Variants in CAMK4 observed in about 807,000 individuals in gnomAD.
CAMK4 encodes calcium/calmodulin dependent protein kinase IV, also known as calcium/calmodulin-dependent protein kinase type IV.
A neutral mutation model predicts 44.9 loss-of-function variants in CAMK4; 22 were observed. The ratio of observed to expected loss-of-function variants is 0.49; its 90% CI spans 0.35 to 0.70. The LOEUF (loss-of-function observed/expected upper bound fraction) is 0.70, where lower values mean the gene tolerates loss of function less well. Among genes scored for constraint, CAMK4 ranks in the 30% least tolerant of loss-of-function variants. The probability of loss-of-function intolerance (pLI) is 0.01; values close to 1 mark genes in which losing one functional copy is unlikely to be tolerated. For synonymous variants in CAMK4, 218 were observed against 215.4 expected, an observed-to-expected ratio of 1.01 and a Z score of -0.11; for missense variants, 498 against 586.8, an observed-to-expected ratio of 0.85 and a Z score of 1.56.
chr5:111,491,383 A>G lies in CAMK4; in HGVS notation c.*6917A>G, dbSNP rs956045041. 3.3e-5 allele frequency: 5 copies of G among 151,908 alleles called. No individual in the cohort carries two copies. The highest frequency in any genetic ancestry group is 1.2e-4 in the African/African-American group (5 of 41,390). The allele number at this position is 151,908 out of a possible 1,614,324, so 9.4% of individuals were successfully genotyped here. A position where few individuals can be genotyped will look rare whatever the true frequency, so the allele number is the denominator to read the frequency against. On this transcript the variant is annotated 3_prime_UTR_variant, in exon 11 of 11. Transcript: ENST00000282356. ...GACCCTGGGTTTTCATGGCACCCCA[A>G]TGCCTTTTTGGTGACTTGCAGGAAT...
At chr5:111,244,554 A>G (rs993919489) in intron 1 of CAMK4, among the ~76,000 whole-genome samples, 2 of 152,190 alleles carry the variant, frequency 1.3e-5, no homozygotes, top group East Asian at 1.9e-4. Context: ...TTAAAAGCTG[A>G]CCTATATTAA....
At chr5:111,465,146 T>C in intron 7 of CAMK4, among the ~76,000 whole-genome samples, 1 of 152,102 alleles carries the variant, frequency 6.6e-6, no homozygotes, top group East Asian at 1.9e-4. Flanking sequence ...CCTTTTCTTC[T>C]CTCTGGCCTA....
intron 4 of CAMK4, among the ~76,000 whole-genome samples, chr5:111,388,472 C>T (rs35150179): frequency 0.094 from 14,335 of 152,138 alleles, 914 homozygotes; most frequent in Non-Finnish European, 0.13. Flanking sequence ...CCATACCTAT[C>T]CCGACCCCCA....
rs573971525 is a variant in CAMK4 at position 111,420,504 on chromosome 5, C to T, written c.459+25722C>T. Reference sequence around the variant, plus strand: ...GAATAGGAGTGGTGAGAGAGGGCATCCCTGGGAGACAGGGTTTTGAGAGCA... The same window carrying T: ...GAATAGGAGTGGTGAGAGAGGGCATTCCTGGGAGACAGGGTTTTGAGAGCA... On this transcript the variant is annotated intron_variant, in intron 5 of 10. Transcript: ENST00000282356. Among the ~76,000 whole-genome samples the T allele has an allele frequency of 5.9e-5, 9 of 152,234 alleles. No homozygotes were observed. The East Asian group carries it at 1.2e-3, about 20-fold the overall frequency.
intron 5 of CAMK4, among the ~76,000 whole-genome samples, chr5:111,425,844 T>G (rs551775824): frequency 5.6e-4 from 86 of 152,270 alleles, no homozygotes; most frequent in African/African-American, 2.0e-3. Flanking sequence ...CCATATCACC[T>G]CAGGAATTTT....
At chr5:111,364,720 C>G (rs1311148436) in intron 2 of CAMK4, among the ~76,000 whole-genome samples, 1 of 151,878 alleles carries the variant, frequency 6.6e-6, no homozygotes, top group Non-Finnish European at 1.5e-5. Context: ...CTTCTTTTTT[C>G]TTTTTGTTCT....
At position 111,308,994 on chromosome 5, in the gene CAMK4, C is replaced by T. The variant is rs373682739; in HGVS notation, c.162-35030C>T. On this transcript the variant is annotated intron_variant, in intron 1 of 10. Transcript: ENST00000282356. ...TTGTACCATAAACATGTAGTAAATT[C>T]TTTCTAGTGTCCAGGAACTACAATC... Among the ~76,000 whole-genome samples, 6 of 152,240 alleles carry T rather than the reference C, an allele frequency of 3.9e-5. No individual in the cohort carries two copies. The East Asian group carries it at 9.6e-4, about 24-fold the overall frequency.
intron 2 of CAMK4, among the ~76,000 whole-genome samples, chr5:111,354,343 A>G (rs1750235017): frequency 6.6e-6 from 1 of 152,052 alleles, no homozygotes; most frequent in South Asian, 2.1e-4. Flanking sequence ...TGTAAAATGA[A>G]TAATTTCCAA....
upstream of CAMK4, chr5:111,224,270 G>A: frequency 1.9e-6 from 1 of 513,040 alleles, no homozygotes; most frequent in Non-Finnish European, 3.0e-6. This position sits in a 1 kb window ranked among gnomAD's most constrained non-coding sequence, Gnocchi z 5.7. Context: ...AGCGGGCGGC[G>A]ACTCCGGGTT....
At chr5:111,409,458 C>A (rs1283933150) in intron 5 of CAMK4, among the ~76,000 whole-genome samples, 2 of 152,226 alleles carry the variant, frequency 1.3e-5, no homozygotes, top group African/African-American at 4.8e-5. Context: ...TGGGTCAGGC[C>A]TATGAAACCA....
chr5:111,367,889 C>T (rs1346671017), intron 2 of CAMK4, among the ~76,000 whole-genome samples: 1 of 152,072 alleles, frequency 6.6e-6, no homozygotes, highest in Admixed American at 6.6e-5. Flanking sequence ...TTGGATGCAG[C>T]TGCCCATATG....
intron 2 of CAMK4, 40 bp from the exon 3 acceptor site, chr5:111,374,810 G>GGA: frequency 8.2e-7 from 1 of 1,221,718 alleles, no homozygotes; most frequent in South Asian, 1.2e-5. Flanking sequence ...AATGAAGGGG[G>GGA]GAGTTTCTTT....
intron 1 of CAMK4, among the ~76,000 whole-genome samples, chr5:111,315,160 G>A (rs936930176): frequency 3.9e-5 from 6 of 152,110 alleles, no homozygotes; most frequent in Non-Finnish European, 8.8e-5. Flanking sequence ...AGTTTTTAAA[G>A]AAGAAAAGTA....
intron 5 of CAMK4, among the ~76,000 whole-genome samples, chr5:111,405,587 A>C (rs1201157143): frequency 9.2e-5 from 14 of 152,222 alleles, no homozygotes; most frequent in Admixed American, 9.2e-4. Flanking sequence ...TAAAGGTACA[A>C]AGGCACAAAC....
intron 2 of CAMK4, among the ~76,000 whole-genome samples, chr5:111,359,064 A>G (rs1175902494): frequency 6.6e-6 from 1 of 152,142 alleles, no homozygotes; most frequent in Admixed American, 6.6e-5. Flanking sequence ...TTATAACAGA[A>G]TGATTTATAT....
chr5:111,254,905 T>C (rs1749674674), intron 1 of CAMK4, among the ~76,000 whole-genome samples: 1 of 152,128 alleles, frequency 6.6e-6, no homozygotes, highest in East Asian at 1.9e-4. Context: ...TTCTGTAGTC[T>C]GTGCAAATAC....
At chr5:111,396,921 G>A (rs554109171) in intron 5 of CAMK4, among the ~76,000 whole-genome samples, 11 of 152,162 alleles carry the variant, frequency 7.2e-5, no homozygotes, top group Admixed American at 1.3e-4. Context: ...AATTACAGGC[G>A]TGAGCCACCG....
chr5:111,320,733 T>G (rs1404502819), intron 1 of CAMK4, among the ~76,000 whole-genome samples: 2 of 152,164 alleles, frequency 1.3e-5, no homozygotes, highest in Non-Finnish European at 2.9e-5. Flanking sequence ...CTCGAACTCC[T>G]GACCTCAGGT....
chr5:111,258,004 C>T (rs433306), intron 1 of CAMK4, among the ~76,000 whole-genome samples: 9 of 151,770 alleles, frequency 5.9e-5, no homozygotes, highest in South Asian at 2.1e-4. Flanking sequence ...GGGCCTAGCA[C>T]GGGGAGGGTG....
Sources: gnomAD v4.1 joint callset for allele counts (sites outside exome capture counted in the v4.1 genomes callset) on GRCh38, gnomAD v4.1.1 for gene constraint, Gnocchi (gnomAD v3.1) non-coding constraint, MANE v1.5 for transcripts, NCBI Gene and HGNC (gene_info 2026-07-23, HGNC 2026-07-21) for gene names.